The following DISC1 variants were observed in gnomAD, a reference collection of about 807,000 sequenced individuals.
The protein encoded by DISC1 is disrupted in schizophrenia 1 protein.
DISC1 carries 57 observed loss-of-function variants against 84.5 expected under a neutral mutation model. The ratio of observed to expected loss-of-function variants is 0.67; its 90% CI spans 0.55 to 0.84. DISC1 has a LOEUF of 0.84. DISC1 is among the 40% of genes least tolerant of loss of function. The pLI is 0.00. For missense variants in DISC1, 1,000 were observed against 1,057.8 expected (o/e 0.95, Z 0.76); for synonymous variants, 411 against 415.2 (o/e 0.99, Z 0.12).
In DISC1 at chr1:231,800,914, C is replaced by T. The variant is rs969553268; in HGVS notation, c.1792+704C>T. On this transcript the variant is annotated intron_variant, in intron 8 of 12. Transcript: ENST00000439617. Reference sequence around the variant, plus strand: ...TGGGGCTAAAGTCCAGGCCCTCTCTCGGTGTATTATATATGGATTTTTAAC... The same window carrying T: ...TGGGGCTAAAGTCCAGGCCCTCTCTTGGTGTATTATATATGGATTTTTAAC... Among the ~76,000 whole-genome samples, 50 of 151,626 alleles carry T rather than the reference C, an allele frequency of 3.3e-4. 1 individual carries two copies. Among genetic ancestry groups the T allele is most frequent in the African/African-American group, 1.1e-3 (46 of 41,280 alleles).
intron 6 of DISC1, among the ~76,000 whole-genome samples, chr1:231,781,354 CTAT>C (rs956342705): frequency 2.0e-5 from 3 of 151,960 alleles, no homozygotes; most frequent in African/African-American, 7.3e-5. Flanking sequence ...CAACATGAGT[CTAT>C]TATTCTTAGT....
intron 9 of DISC1, among the ~76,000 whole-genome samples, chr1:231,900,291 G>A: frequency 6.6e-6 from 1 of 152,182 alleles, no homozygotes; most frequent in South Asian, 2.1e-4. Context: ...CCCGTTCATG[G>A]AAAAATACCA....
intron 9 of DISC1, among the ~76,000 whole-genome samples, chr1:231,871,992 C>T (rs200896761): frequency 3.3e-5 from 5 of 152,346 alleles, no homozygotes; most frequent in Non-Finnish European, 7.3e-5. Context: ...GACACCTGGA[C>T]TTCCTCTGGC....
intron 9 of DISC1, among the ~76,000 whole-genome samples, chr1:231,880,900 C>T (rs2086246277): frequency 6.6e-6 from 1 of 152,140 alleles, no homozygotes; most frequent in Non-Finnish European, 1.5e-5. Flanking sequence ...CTTAACGTTT[C>T]ATGATGTTCA....
At chr1:232,034,346 A>G (rs919109127) in intron 12 of DISC1, among the ~76,000 whole-genome samples, 3 of 152,230 alleles carry the variant, frequency 2.0e-5, no homozygotes, top group African/African-American at 7.2e-5. Flanking sequence ...AGGAAGGTAC[A>G]AGATTCAGTA....
intron 1 of DISC1, among the ~76,000 whole-genome samples, chr1:231,684,143 T>G (rs1256564844): frequency 2.0e-5 from 3 of 151,846 alleles, no homozygotes; most frequent in Non-Finnish European, 4.4e-5. Context: ...TAATAATTAA[T>G]TTTTAGAGAT....
intron 1 of DISC1, among the ~76,000 whole-genome samples, chr1:231,677,577 C>T (rs940456598): frequency 6.6e-6 from 1 of 152,236 alleles, no homozygotes; most frequent in African/African-American, 2.4e-5. Flanking sequence ...TTACGACAGC[C>T]TTTCAGGGTA....
chr1:231,954,663 C>G lies in DISC1; in HGVS notation c.1982-4165C>G, dbSNP rs765508864. Among the ~76,000 whole-genome samples the G allele has an allele frequency of 2.6e-5, 4 of 152,108 alleles. No individual in the cohort carries two copies. The highest frequency in any genetic ancestry group is 4.8e-5 in the African/African-American group (2 of 41,388). On this transcript the variant is annotated intron_variant, in intron 9 of 12. Coordinates refer to ENST00000439617, the MANE Select transcript of DISC1 (RefSeq NM_018662.3). The surrounding 1 kb of genome is among the most constrained non-coding windows in gnomAD (Gnocchi z 4.8). ...CCATTGCCATTCTCATAGGTCCCTG[C>G]TCTACTGGACCTAAAATGGTAGGGA...
intron 9 of DISC1, among the ~76,000 whole-genome samples, chr1:231,858,612 A>G (rs895801349): frequency 1.3e-5 from 2 of 152,028 alleles, no homozygotes; most frequent in Non-Finnish European, 2.9e-5. Flanking sequence ...GGGTTAGACA[A>G]CCTTTTCTGT....
chr1:232,034,239 T>C (rs1282160978), intron 12 of DISC1, among the ~76,000 whole-genome samples: 2 of 152,236 alleles, frequency 1.3e-5, no homozygotes, highest in African/African-American at 4.8e-5. Context: ...TTGTTACATC[T>C]GTTATATTAA....
At chr1:231,928,218 G>A (rs1262818006) in intron 9 of DISC1, among the ~76,000 whole-genome samples, 1 of 152,204 alleles carries the variant, frequency 6.6e-6, no homozygotes, top group Admixed American at 6.5e-5. Flanking sequence ...AACTGGAGAG[G>A]CAAGGCACAT....
intron 9 of DISC1, among the ~76,000 whole-genome samples, chr1:231,868,471 C>T (rs12077737): frequency 0.044 from 6,732 of 152,000 alleles, 481 homozygotes; most frequent in African/African-American, 0.15. Context: ...TATGCATCCT[C>T]AAAACAGCTG....
intron 1 of DISC1, among the ~76,000 whole-genome samples, chr1:231,683,570 ATTCTGTGACCAACCC>A (rs1276856231): frequency 1.3e-5 from 2 of 149,794 alleles, no homozygotes; most frequent in Non-Finnish European, 3.0e-5. Flanking sequence ...ATTTGCCTGT[ATTCTGTGACCAACCC>A]TTCTGTGAAC....
chr1:231,876,304 G>A (rs551205800), intron 9 of DISC1, among the ~76,000 whole-genome samples: 1 of 152,294 alleles, frequency 6.6e-6, no homozygotes, highest in South Asian at 2.1e-4. Context: ...TTTGTCATGT[G>A]ATGTGCCTGG....
At chr1:231,874,916 CA>C (rs747303966) in intron 9 of DISC1, among the ~76,000 whole-genome samples, 1,393 of 54,406 alleles carry the variant, frequency 0.026, 10 homozygotes, top group African/African-American at 0.066. Context: ...GACTCCGTCT[CA>C]AAAAAAAAAA....
At chr1:231,722,217 A>G (rs571792693) in intron 3 of DISC1, among the ~76,000 whole-genome samples, 2 of 152,162 alleles carry the variant, frequency 1.3e-5, no homozygotes, top group Admixed American at 6.5e-5. Flanking sequence ...ATATTTGGAA[A>G]CTATTGTTGA....
At chr1:231,955,380 C>A (rs750717707) in intron 9 of DISC1, among the ~76,000 whole-genome samples, 12 of 152,026 alleles carry the variant, frequency 7.9e-5, no homozygotes, top group Admixed American at 2.0e-4. Context: ...AAGCCAAATT[C>A]TTGTCTCCCC....
intron 6 of DISC1, among the ~76,000 whole-genome samples, chr1:231,781,501 A>G (rs1215156210): frequency 1.3e-5 from 2 of 152,208 alleles, no homozygotes; most frequent in Non-Finnish European, 2.9e-5. Flanking sequence ...AGAGATAGTC[A>G]TTTTAGAATG....
chr1:231,951,476 T>C (rs776072451), intron 9 of DISC1, among the ~76,000 whole-genome samples: 1 of 152,206 alleles, frequency 6.6e-6, no homozygotes, highest in Non-Finnish European at 1.5e-5. Flanking sequence ...TGTTTTGGAT[T>C]ATCCATGCCT....
Sources: allele counts gnomAD v4.1 joint callset (sites outside exome capture counted in the v4.1 genomes callset), GRCh38; gene constraint gnomAD v4.1.1; non-coding constraint Gnocchi (gnomAD v3.1); transcripts MANE v1.5; gene names NCBI Gene and HGNC (gene_info 2026-07-23, HGNC 2026-07-21).